The following SASH1 variants were observed in gnomAD, a reference collection of about 807,000 sequenced individuals.
The protein encoded by SASH1 is SAM and SH3 domain-containing protein 1.
SASH1 carries 44 observed loss-of-function variants against 125.2 expected under a neutral mutation model. That is an observed-to-expected ratio of 0.35 (90% CI 0.28 to 0.45). SASH1 has a LOEUF of 0.45. Ranked by LOEUF, SASH1 falls within the 20% of genes least tolerant of loss-of-function variation. The pLI is 1.00. For synonymous variants in SASH1, 639 were observed against 649.1 expected, an observed-to-expected ratio of 0.98 and a Z score of 0.24; for missense variants, 1,426 against 1,614.5, an observed-to-expected ratio of 0.88 and a Z score of 2.00.
chr6:148,499,058 T>G (rs79548030), intron 8 of SASH1, among the ~76,000 whole-genome samples: 1,860 of 94,208 alleles, frequency 0.02, 31 homozygotes, highest in African/African-American at 0.1. Flanking sequence ...CTTTTTTTTG[T>G]TTTTTTTTTT....
chr6:148,274,305 C>T (rs1244846092), intron 1 of SASH1, among the ~76,000 whole-genome samples: 1 of 152,154 alleles, frequency 6.6e-6, no homozygotes, highest in Non-Finnish European at 1.5e-5. Context: ...TTGTTACATG[C>T]GCTTTCCCTG....
rs371149656 is a variant in SASH1, at chr6:148,533,874, T to A, written c.1838T>A (p.Leu613His). The A allele has an allele frequency of 6.2e-6, 10 of 1,614,058 alleles. No individual in the cohort carries two copies. The highest frequency in any genetic ancestry group is 8.5e-6 in the Non-Finnish European group (10 of 1,179,980). ...GTFKFIYVDV[L>H]SEDEEKPKRP... ...TTCAAGTTCATCTACGTGGACGTGC[T>A]CAGTGAAGACGAGGAGAAACCCAAA... The change falls in exon 15 of 20, where the codon CTC (leucine) becomes CAC (histidine). Residue 613 changes from leucine (L) to histidine (H), a missense_variant. Coordinates refer to ENST00000367467, the MANE Select transcript of SASH1 (RefSeq NM_015278.5). This position sits in a 1 kb window ranked among gnomAD's most constrained non-coding sequence, Gnocchi z 6.2.
intron 1 of SASH1, among the ~76,000 whole-genome samples, chr6:148,387,622 T>TCTCTCTCTC (rs1562371228): frequency 3.0e-5 from 1 of 33,722 alleles, no homozygotes; most frequent in Non-Finnish European, 6.1e-5. Flanking sequence ...CTTTCTTTCT[T>TCTCTCTCTC]TCTTTCTTTC....
intron 1 of SASH1, among the ~76,000 whole-genome samples, chr6:148,289,861 G>GTTTTTTTTTTTTTT (rs144013796): frequency 2.3e-5 from 2 of 85,894 alleles, no homozygotes; most frequent in Non-Finnish European, 2.2e-5. Flanking sequence ...TTTTGGTTGT[G>GTTTTTTTTTTTTTT]TTTTTTTTTT....
At chr6:148,262,276 C>A in the SASH1 span, among the ~76,000 whole-genome samples, 1 of 152,132 alleles carries the variant, frequency 6.6e-6, no homozygotes, top group African/African-American at 2.4e-5. Context: ...CTGAACAGCA[C>A]GGCAATATCA....
intron 1 of SASH1, among the ~76,000 whole-genome samples, chr6:148,316,119 C>T (rs985747055): frequency 6.6e-6 from 1 of 152,088 alleles, no homozygotes. Flanking sequence ...TGATGTAAAA[C>T]CTTTATTATT....
chr6:148,344,945 G>A (rs1049833822), intron 1 of SASH1, among the ~76,000 whole-genome samples: 6 of 151,798 alleles, frequency 4.0e-5, no homozygotes, highest in Admixed American at 2.6e-4. Context: ...TAGTAGAGAC[G>A]GGGTTTCACC....
At chr6:148,233,818 T>A in the SASH1 span, among the ~76,000 whole-genome samples, 1 of 146,482 alleles carries the variant, frequency 6.8e-6, no homozygotes, top group South Asian at 2.2e-4. Context: ...GAGGCTGAGA[T>A]GAGAGGATCT....
intron 8 of SASH1, among the ~76,000 whole-genome samples, chr6:148,501,936 G>C (rs1779574855): frequency 6.6e-6 from 1 of 152,184 alleles, no homozygotes; most frequent in African/African-American, 2.4e-5. Context: ...GATTGCAGTT[G>C]ATTAGGGAAC....
chr6:148,391,494 T>C (rs1191461770), intron 2 of SASH1, among the ~76,000 whole-genome samples: 4 of 151,948 alleles, frequency 2.6e-5, no homozygotes, highest in African/African-American at 7.2e-5. Context: ...CTTCTTCCTT[T>C]ATTACTTAAC....
At chr6:148,547,341 G>A (rs1352164485) in intron 19 of SASH1, among the ~76,000 whole-genome samples, 1 of 152,166 alleles carries the variant, frequency 6.6e-6, no homozygotes, top group Non-Finnish European at 1.5e-5. Flanking sequence ...AGGGATGATT[G>A]TCAGGTGGGA....
intron 1 of SASH1, among the ~76,000 whole-genome samples, chr6:148,370,696 G>A (rs553215168): frequency 1.3e-5 from 2 of 152,106 alleles, no homozygotes; most frequent in South Asian, 4.2e-4. Context: ...GGTGACGGGC[G>A]CCTGTAGTCC....
At chr6:148,376,395 A>C (rs1377414483) in intron 1 of SASH1, among the ~76,000 whole-genome samples, 1 of 152,058 alleles carries the variant, frequency 6.6e-6, no homozygotes, top group Non-Finnish European at 1.5e-5. Context: ...GAAAGACACT[A>C]TCCAACTGGT....
chr6:148,426,752 G>A (rs1775841086), intron 2 of SASH1, among the ~76,000 whole-genome samples: 1 of 152,128 alleles, frequency 6.6e-6, no homozygotes, highest in South Asian at 2.1e-4. Context: ...AAAAAACAGA[G>A]AAAGCAAAAG....
the SASH1 span, among the ~76,000 whole-genome samples, chr6:148,229,265 G>A: frequency 6.6e-6 from 1 of 151,590 alleles, no homozygotes; most frequent in South Asian, 2.1e-4. Flanking sequence ...CCAAGTACAG[G>A]ATAGAATTGC....
the SASH1 span, among the ~76,000 whole-genome samples, chr6:148,221,993 T>C: frequency 9.8e-5 from 15 of 152,334 alleles, no homozygotes; most frequent in East Asian, 2.3e-3. Flanking sequence ...ACCCATAAAA[T>C]AAAACTGAAA....
intron 1 of SASH1, among the ~76,000 whole-genome samples, chr6:148,347,459 A>G (rs1781557160): frequency 6.6e-6 from 1 of 152,170 alleles, no homozygotes; most frequent in Non-Finnish European, 1.5e-5. Context: ...TATTCATCCT[A>G]TCTTACTATT....
Position 148,495,938 on chromosome 6 carries a change from C to T in SASH1, c.729+8223C>T, listed in dbSNP as rs1032558871. Among the ~76,000 whole-genome samples, 29 of 152,204 alleles carry T rather than the reference C, an allele frequency of 1.9e-4. No homozygotes were observed. Among genetic ancestry groups the T allele is most frequent in the Middle Eastern group, 6.8e-3 (2 of 294 alleles). On this transcript the variant is annotated intron_variant, in intron 8 of 19. Coordinates refer to ENST00000367467, the MANE Select transcript of SASH1 (RefSeq NM_015278.5). The surrounding 1 kb of genome is among the most constrained non-coding windows in gnomAD (Gnocchi z 4.0). ...GCAACCTCCACCTCCTGGGTTCACG[C>T]GATTCTCCTGCCTCAGCCTCCAGAG...
At position 148,326,323 on chromosome 6, in the gene SASH1, CATATATATATATAT is replaced by C. The variant is rs56276306; in HGVS notation, n.74+53967_74+53980del. Among the ~76,000 whole-genome samples the C allele has an allele frequency of 1.1e-3, 11 of 9,828 alleles. No homozygotes were observed. In the East Asian group the frequency reaches 0.02, roughly 18 times the overall value. The allele number at this position is 9,828 out of a possible 152,430, so 6.4% of individuals were successfully genotyped here. ...GATTACAGGAGTGAGCCACCGCATG[CATATATATATATAT>C]ATATATATATATATATATATGCATA... is the stretch of plus-strand genomic sequence containing the variant. On this transcript the variant is annotated intron_variant and non_coding_transcript_variant, in intron 1 of 3. Coordinates refer to the SASH1 transcript ENST00000367469.
Sources: gnomAD v4.1 joint callset for allele counts (sites outside exome capture counted in the v4.1 genomes callset) on GRCh38, gnomAD v4.1.1 for gene constraint, Gnocchi (gnomAD v3.1) non-coding constraint, MANE v1.5 for transcripts, NCBI Gene and HGNC (gene_info 2026-07-23, HGNC 2026-07-21) for gene names.